SCMH1: variants seen among roughly 807,000 people sequenced by gnomAD.
SCMH1 encodes the protein Scm polycomb group protein homolog 1.
In SCMH1, 37 loss-of-function variants were observed where a neutral mutation model predicts 70.8. The ratio of observed to expected loss-of-function variants is 0.52; its 90% CI spans 0.40 to 0.69. SCMH1 has a LOEUF of 0.69. Among genes scored for constraint, SCMH1 ranks in the 30% least tolerant of loss-of-function variants. The pLI, the probability that SCMH1 is intolerant of heterozygous loss-of-function variation, is 0.00. For missense variants in SCMH1, 607 were observed against 827.3 expected (o/e 0.73, Z 3.27); for synonymous variants, 292 against 307.4 (o/e 0.95, Z 0.52).
At chr1:41,186,472 A>G (rs1650233259) in intron 1 of SCMH1, among the ~76,000 whole-genome samples, 1 of 152,210 alleles carries the variant, frequency 6.6e-6, no homozygotes, top group African/African-American at 2.4e-5. Context: ...AAGAATACAG[A>G]TATTTGCTAC....
At chr1:41,201,332 T>A (rs1654311478) in intron 1 of SCMH1, among the ~76,000 whole-genome samples, 1 of 152,150 alleles carries the variant, frequency 6.6e-6, no homozygotes, top group African/African-American at 2.4e-5. Flanking sequence ...AAGATCTAGA[T>A]TTAGCCTGGT....
At chr1:41,044,783 A>G (rs72942652) in intron 12 of SCMH1, among the ~76,000 whole-genome samples, 41 of 152,234 alleles carry the variant, frequency 2.7e-4, no homozygotes, top group African/African-American at 9.6e-4. Context: ...CTAGTGGCTG[A>G]ATCAGAGAGA....
rs549440023 is a variant in SCMH1, at chr1:41,102,404, G to A, written c.745+10879C>T. ...TGCTGCCAGCTGGGCTGATGCCAAG[G>A]CTGAAACTCCAGTCTTCTAAATTCC... On this transcript the variant is annotated intron_variant, in intron 8 of 14. Coordinates refer to ENST00000337495, the Ensembl canonical transcript of SCMH1. Among the ~76,000 whole-genome samples the A allele has an allele frequency of 2.5e-3, 380 of 152,284 alleles. 5 individuals are homozygous for A. The highest frequency in any genetic ancestry group is 8.6e-3 in the African/African-American group (359 of 41,544).
chr1:41,046,637 G>C, intron 11 of SCMH1, 39 bp from the exon 12 acceptor site: 1 of 1,537,108 alleles, frequency 6.5e-7, no homozygotes, highest in Non-Finnish European at 9.0e-7. Context: ...TGTCAGCCTG[G>C]CAGTGGAGTA....
intron 13 of SCMH1, among the ~76,000 whole-genome samples, chr1:41,031,739 T>C (rs1019733725): frequency 1.3e-5 from 2 of 151,704 alleles, no homozygotes; most frequent in Non-Finnish European, 2.9e-5. Flanking sequence ...GGGGAGAGAG[T>C]GTATATGCAA....
chr1:41,209,499 A>G (rs1013969370), intron 1 of SCMH1, among the ~76,000 whole-genome samples: 1 of 152,262 alleles, frequency 6.6e-6, no homozygotes, highest in Non-Finnish European at 1.5e-5. Context: ...TCAGCAGCAC[A>G]TCGAAAAGCT....
chr1:41,091,059 A>G lies in SCMH1; in HGVS notation c.746-15608T>C, dbSNP rs1004012358. ...GTGTCAAAAAAAAAAAAAAAAAAAAATGTTAGTTGAGAGACACAACAAAAA... is the reference window on the plus strand; with the variant it reads ...GTGTCAAAAAAAAAAAAAAAAAAAAGTGTTAGTTGAGAGACACAACAAAAA... On this transcript the variant is annotated intron_variant, in intron 8 of 14. Transcript: ENST00000337495. Among the ~76,000 whole-genome samples, 230 of 131,052 alleles carry G rather than the reference A, an allele frequency of 1.8e-3. 1 individual carries two copies. Among genetic ancestry groups the G allele is most frequent in the Non-Finnish European group, 2.9e-3 (179 of 61,092 alleles). The allele number at this position is 131,052 out of a possible 152,430, so 86.0% of individuals were successfully genotyped here. A position where few individuals can be genotyped will look rare whatever the true frequency, so the allele number is the denominator to read the frequency against.
intron 2 of SCMH1, among the ~76,000 whole-genome samples, chr1:41,184,054 T>C (rs1228134438): frequency 6.6e-6 from 1 of 152,174 alleles, no homozygotes; most frequent in Non-Finnish European, 1.5e-5. Context: ...GTCTTTAGTG[T>C]CACTGAACTG....
At chr1:41,056,089 T>C (rs530514178) in intron 10 of SCMH1, among the ~76,000 whole-genome samples, 310 of 152,346 alleles carry the variant, frequency 2.0e-3, no homozygotes, top group Non-Finnish European at 2.7e-3. Flanking sequence ...CTGTGACTGA[T>C]TGATCAATAG....
intron 6 of SCMH1, among the ~76,000 whole-genome samples, chr1:41,142,210 A>G (rs1644155517): frequency 6.6e-6 from 1 of 152,096 alleles, no homozygotes. Flanking sequence ...AATTTAGCAC[A>G]GCTTCCTGAG....
chr1:41,044,674 G>A (rs1333492821), intron 12 of SCMH1, among the ~76,000 whole-genome samples: 3 of 152,142 alleles, frequency 2.0e-5, no homozygotes, highest in Non-Finnish European at 4.4e-5. Context: ...AAATGGGGAA[G>A]GGAGAGGTAG....
intron 10 of SCMH1, among the ~76,000 whole-genome samples, chr1:41,065,359 C>T (rs1157057793): frequency 6.6e-6 from 1 of 152,082 alleles, no homozygotes; most frequent in Non-Finnish European, 1.5e-5. Flanking sequence ...GTCCCAGCTA[C>T]TCTGGAGGCT....
intron 6 of SCMH1, among the ~76,000 whole-genome samples, chr1:41,131,601 C>T (rs1465782149): frequency 6.6e-6 from 1 of 152,076 alleles, no homozygotes; most frequent in Admixed American, 6.6e-5. Context: ...ATGTGCACAA[C>T]GTGCAGGTTT....
At chr1:41,118,547 C>T (rs547998148) in intron 6 of SCMH1, among the ~76,000 whole-genome samples, 2 of 152,120 alleles carry the variant, frequency 1.3e-5, no homozygotes, top group Non-Finnish European at 1.5e-5. Flanking sequence ...ATACACACAC[C>T]AAGTACAAAA....
At chr1:41,071,925 A>G (rs954285309) in intron 9 of SCMH1, among the ~76,000 whole-genome samples, 1 of 152,126 alleles carries the variant, frequency 6.6e-6, no homozygotes, top group Non-Finnish European at 1.5e-5. Flanking sequence ...TGGCCTCCCA[A>G]AGTGTTGGGA....
At chr1:41,154,331 T>C (rs1271208508) in intron 4 of SCMH1, among the ~76,000 whole-genome samples, 1 of 152,240 alleles carries the variant, frequency 6.6e-6, no homozygotes, top group Non-Finnish European at 1.5e-5. Context: ...GTTTAAATAA[T>C]GTAATATTGG....
At chr1:41,027,394 G>A (rs1425705108) in exon 15 of SCMH1, 3 of 152,270 alleles carry the variant, frequency 2.0e-5, no homozygotes, top group Admixed American at 6.5e-5. Context: ...GATTTTCTTC[G>A]ACAGCAGTTC....
intron 12 of SCMH1, among the ~76,000 whole-genome samples, chr1:41,040,978 C>T (rs1404514689): frequency 6.6e-6 from 1 of 152,052 alleles, no homozygotes; most frequent in Non-Finnish European, 1.5e-5. Context: ...TAGAGAGAAC[C>T]TGTCATCAGG....
In SCMH1 at chr1:41,224,423, A is replaced by T. The variant is rs371982896; in HGVS notation, c.-118+17636T>A. On this transcript the variant is annotated intron_variant, in intron 1 of 14. Coordinates refer to ENST00000337495, the Ensembl canonical transcript of SCMH1. ...ATTGTATCTCCATTTTCCCTATAGC[A>T]ACTAGCATAGAGTTAAGCATACACT... Among the ~76,000 whole-genome samples, 363 of 152,320 alleles carry T rather than the reference A, an allele frequency of 2.4e-3. 1 individual carries two copies. The highest frequency in any genetic ancestry group is 8.1e-3 in the African/African-American group (336 of 41,574).
Sources: allele counts gnomAD v4.1 joint callset (sites outside exome capture counted in the v4.1 genomes callset), GRCh38; gene constraint gnomAD v4.1.1; transcripts MANE v1.5; gene names NCBI Gene and HGNC (gene_info 2026-07-23, HGNC 2026-07-21).